STKLD1: variants seen among roughly 807,000 people sequenced by gnomAD.
STKLD1 encodes the protein serine/threonine kinase like domain containing 1.
Under a neutral mutation model 80.4 loss-of-function variants are expected in STKLD1, and 79 were observed. The observed-to-expected ratio is 0.98, with a 90% CI of 0.82 to 1.19. STKLD1 has a LOEUF of 1.19. Ranked by LOEUF, STKLD1 falls within the 50% of genes most tolerant of loss-of-function variation. STKLD1 has a pLI of 0.00. For synonymous variants in STKLD1, 393 were observed against 357.6 expected (o/e 1.10, Z -1.12); for missense variants, 841 against 856.0 (o/e 0.98, Z 0.22).
At chr9:133,401,663 CTGTGAGCCT>C (rs3840997) in intron 12 of STKLD1, 66 bp from the exon 13 acceptor site, 135,881 of 1,518,906 alleles carry the variant, frequency 0.089, 7,047 homozygotes, top group African/African-American at 0.22. Flanking sequence ...ATCCCCCAGC[CTGTGAGCCT>C]TGTGTGTCTG....
At position 133,394,721 on chromosome 9, in the gene STKLD1, G is replaced by C; in HGVS notation, c.702+312G>C. 1 of 369,686 alleles carries C rather than the reference G, an allele frequency of 2.7e-6. No homozygotes were observed. 22.9% of individuals were successfully genotyped at this position (369,686 alleles called of 1,614,324 possible). On this transcript the variant is annotated intron_variant, in intron 8 of 17. Transcript: ENST00000371957. The surrounding 1 kb of genome is among the most constrained non-coding windows in gnomAD (Gnocchi z 4.9). ...AGAAAAGCCAAGTTCAGGTGCCCTT[G>C]TGAGCATGAAGGCTGCACGGAGTTG...
intron 11 of STKLD1, among the ~76,000 whole-genome samples, chr9:133,399,276 GT>G (rs1838636375): frequency 6.6e-6 from 1 of 151,850 alleles, no homozygotes; most frequent in Non-Finnish European, 1.5e-5. Flanking sequence ...CCATCCGTCT[GT>G]CTATCCATCA....
chr9:133,387,960 G>A (rs1006587210), intron 5 of STKLD1: 5 of 416,668 alleles, frequency 1.2e-5, no homozygotes, highest in Non-Finnish European at 2.4e-5. Context: ...ATTGCTTGCT[G>A]CCACTCTGCT....
At chr9:133,383,987 T>C in intron 3 of STKLD1, 87 bp downstream of exon 3, 1 of 1,315,700 alleles carries the variant, frequency 7.6e-7, no homozygotes, top group Non-Finnish European at 1.1e-6. Flanking sequence ...AGTGCCTGGA[T>C]GAAGAGAAGG....
intron 13 of STKLD1, 134 bp from the exon 14 acceptor site, chr9:133,402,744 A>G (rs1034086134): frequency 2.5e-5 from 24 of 943,800 alleles, no homozygotes; most frequent in Non-Finnish European, 3.4e-5. Flanking sequence ...GGCTCCATTG[A>G]GTGCACACGA....
In STKLD1 at chr9:133,376,424, CGGGGTGGGGCCA is replaced by C; in HGVS notation, c.-42_-31del. The C allele has an allele frequency of 6.7e-7, 1 of 1,501,546 alleles. No individual in the cohort carries two copies. Among genetic ancestry groups the C allele is most frequent in the Non-Finnish European group, 8.9e-7 (1 of 1,125,672 alleles). 93.0% of individuals were successfully genotyped at this position (1,501,546 alleles called of 1,614,324 possible). ...ATCCCGCGGGTCCCACTGACCCACG[CGGGGTGGGGCCA>C]GGGGTGGACGCTCGCCCGTACGCGG... On this transcript the variant is annotated 5_prime_UTR_variant, in exon 1 of 18. Transcript: ENST00000371957.
intron 7 of STKLD1, chr9:133,393,870 G>C (rs1554776328): frequency 6.2e-6 from 1 of 160,888 alleles, no homozygotes; most frequent in Non-Finnish European, 1.4e-5. Context: ...CCCTGTCTGG[G>C]GTTCCAGTTG....
At chr9:133,388,330 C>A (rs1175062932) in intron 5 of STKLD1, among the ~76,000 whole-genome samples, 1 of 152,110 alleles carries the variant, frequency 6.6e-6, no homozygotes, top group Non-Finnish European at 1.5e-5. Context: ...CTCACTGCAA[C>A]CTTCGCCTCC....
chr9:133,401,327 CG>C (rs1015490510), intron 12 of STKLD1, among the ~76,000 whole-genome samples: 6 of 151,912 alleles, frequency 3.9e-5, no homozygotes, highest in African/African-American at 1.5e-4. Flanking sequence ...TTAGTAGAGA[CG>C]GGTTTCACCA....
In STKLD1 at chr9:133,389,831, C is replaced by T. The variant is rs1446180462; in HGVS notation, c.467+235C>T. Among the ~76,000 whole-genome samples, 3 of 152,282 alleles carry T rather than the reference C, an allele frequency of 2.0e-5. No homozygotes were observed. Among genetic ancestry groups the T allele is most frequent in the South Asian group, 2.1e-4 (1 of 4,828 alleles). ...CTGCATGGGGTGTGCGCTAGCCAGG[C>T]GGGCTGCTCTAGAGTTCGTGGAAAG... On this transcript the variant is annotated intron_variant, in intron 6 of 17. Coordinates refer to ENST00000371957, the MANE Select transcript of STKLD1 (RefSeq NM_153710.5). This position sits in a 1 kb window ranked among gnomAD's most constrained non-coding sequence, Gnocchi z 6.4.
chr9:133,404,429 A>G (rs371757271), intron 16 of STKLD1, among the ~76,000 whole-genome samples: 14 of 152,328 alleles, frequency 9.2e-5, no homozygotes, highest in African/African-American at 3.1e-4. Context: ...CGCTGAGCAC[A>G]GCACAACCGA....
In STKLD1 at chr9:133,389,489, G is replaced by A. The variant is rs1838333881; in HGVS notation, c.397-37G>A. 8.7e-6 allele frequency: 14 copies of A among 1,609,380 alleles called. No homozygotes were observed. Among genetic ancestry groups the A allele is most frequent in the Non-Finnish European group, 1.2e-5 (14 of 1,178,352 alleles). On this transcript the variant is annotated intron_variant, in intron 5 of 17. Transcript: ENST00000371957. This position sits in a 1 kb window ranked among gnomAD's most constrained non-coding sequence, Gnocchi z 6.4. The stretch of plus-strand genomic sequence containing the variant: ...CACCCCCCTGAAAGCAGCACAGGGT[G>A]CCCCTCCCATCCTGGCACCCCCTAC...
chr9:133,387,753 C>T (rs1382407326), intron 5 of STKLD1: 1 of 673,710 alleles, frequency 1.5e-6, no homozygotes, highest in Non-Finnish European at 2.7e-6. Flanking sequence ...CAACTTCCAC[C>T]CAGATCAAGA....
intron 11 of STKLD1, 45 bp from the exon 12 acceptor site, chr9:133,400,368 G>C (rs782762190): frequency 2.0e-6 from 3 of 1,501,002 alleles, no homozygotes; most frequent in Non-Finnish European, 2.8e-6. Flanking sequence ...ATATGCCCCC[G>C]ATCTGGCCCA....
In STKLD1 at chr9:133,394,607, A is replaced by T. The variant is rs983457350; in HGVS notation, c.702+198A>T. Among the ~76,000 whole-genome samples, 1 of 152,168 alleles carries T rather than the reference A, an allele frequency of 6.6e-6. No homozygotes were observed. ...CAGCTTGCAGCACCTGCTGGGCTCT[A>T]GCAGGATAATGACAGCAGTGGTAAT... On this transcript the variant is annotated intron_variant, in intron 8 of 17. Coordinates refer to ENST00000371957, the MANE Select transcript of STKLD1 (RefSeq NM_153710.5). This position sits in a 1 kb window ranked among gnomAD's most constrained non-coding sequence, Gnocchi z 4.9.
chr9:133,388,975 C>A lies in STKLD1; in HGVS notation c.397-551C>A, dbSNP rs1225015365. On this transcript the variant is annotated intron_variant, in intron 5 of 17. Coordinates refer to ENST00000371957, the MANE Select transcript of STKLD1 (RefSeq NM_153710.5). ...GGGGCAGTGGGAGGACGCCCACATC[C>A]TGCCCCCTCAGCCCCTCTCTGACAC... 4.1e-6 allele frequency: 4 copies of A among 985,340 alleles called. No individual in the cohort carries two copies. In the African/African-American group the frequency reaches 7.0e-5, roughly 17 times the overall value. 61.0% of individuals were successfully genotyped at this position (985,340 alleles called of 1,614,324 possible).
At position 133,381,131 on chromosome 9, in the gene STKLD1, CT is replaced by C. The variant is rs2130265118; in HGVS notation, c.174+2033del. Among the ~76,000 whole-genome samples the C allele has an allele frequency of 7.2e-3, 498 of 69,160 alleles. 2 individuals carry two copies. The highest frequency in any genetic ancestry group is 0.021 in the South Asian group (35 of 1,664). 45.4% of individuals were successfully genotyped at this position (69,160 alleles called of 152,430 possible). ...GAGATTTCTGGGTCATACGATGTAA[CT>C]TTTTTTTTTTTTTTTTTTTTTTTGA... On this transcript the variant is annotated intron_variant, in intron 2 of 17. Transcript: ENST00000371957.
chr9:133,392,128 A>G (rs1300859101), intron 7 of STKLD1, among the ~76,000 whole-genome samples: 32 of 149,938 alleles, frequency 2.1e-4, no homozygotes, highest in Non-Finnish European at 2.4e-4. Context: ...CCAGGCTGGA[A>G]TGCAGTAGCG....
chr9:133,395,568 G>A (rs1554776577), intron 8 of STKLD1, 32 bp from the exon 9 acceptor site: 1 of 1,605,258 alleles, frequency 6.2e-7, no homozygotes, highest in Admixed American at 1.7e-5. Context: ...TTTACTTAAG[G>A]GAATACACAG....
Sources: gnomAD v4.1 joint callset for allele counts (sites outside exome capture counted in the v4.1 genomes callset) on GRCh38, gnomAD v4.1.1 for gene constraint, Gnocchi (gnomAD v3.1) non-coding constraint, MANE v1.5 for transcripts, NCBI Gene and HGNC (gene_info 2026-07-23, HGNC 2026-07-21) for gene names.